The following ULK2 variants were observed in gnomAD, a reference collection of about 807,000 sequenced individuals.
ULK2 encodes serine/threonine-protein kinase ULK2.
Under a neutral mutation model 127.5 loss-of-function variants are expected in ULK2, and 76 were observed. The observed-to-expected ratio is 0.60, with a 90% confidence interval of 0.50 to 0.72. The LOEUF (loss-of-function observed/expected upper bound fraction) is 0.72, where lower values mean the gene tolerates loss of function less well. Ranked by LOEUF, ULK2 falls within the 30% of genes least tolerant of loss-of-function variation. The probability of loss-of-function intolerance (pLI) is 0.00; values close to 1 mark genes in which losing one functional copy is unlikely to be tolerated. For synonymous variants in ULK2, 452 were observed against 461.9 expected (o/e 0.98, Z 0.28); for missense variants, 1,144 against 1,295.9 (o/e 0.88, Z 1.80).
chr17:19,863,545 C>T (rs1301825322), intron 3 of ULK2, among the ~76,000 whole-genome samples: 2 of 148,784 alleles, frequency 1.3e-5, no homozygotes, highest in African/African-American at 5.0e-5. Context: ...GTTGTCCAGG[C>T]AGGACTTCAG....
chr17:19,802,823 TTGAA>T (rs1284264467), intron 15 of ULK2, among the ~76,000 whole-genome samples: 1 of 152,236 alleles, frequency 6.6e-6, no homozygotes, highest in African/African-American at 2.4e-5. Flanking sequence ...ATCTTGCACT[TTGAA>T]TGAAATTTTT....
chr17:19,848,845 C>G (rs2041954532), intron 5 of ULK2, among the ~76,000 whole-genome samples: 1 of 151,698 alleles, frequency 6.6e-6, no homozygotes, highest in Non-Finnish European at 1.5e-5. Context: ...TCATATCCTA[C>G]ATGTATGCAT....
rs554570686 is a variant in ULK2 at position 19,798,072 on chromosome 17, C to T, written c.1523-390G>A. On this transcript the variant is annotated intron_variant, in intron 17 of 26. Coordinates refer to ENST00000395544, the MANE Select transcript of ULK2 (RefSeq NM_014683.4). Reference sequence around the variant, plus strand: ...TATATGAATACATACCTGGATAAATCTATGTAATTATTCTCTTTTCTCACA... The same window carrying T: ...TATATGAATACATACCTGGATAAATTTATGTAATTATTCTCTTTTCTCACA... 2.6e-5 allele frequency among the ~76,000 whole-genome samples: 4 copies of T among 152,274 alleles called. No homozygotes were observed. The South Asian group carries it at 6.2e-4, about 24-fold the overall frequency.
At position 19,801,868 on chromosome 17, in the gene ULK2, T is replaced by A; in HGVS notation, c.1350A>T (p.Gly450=). Residue 450 remains glycine (G), a synonymous_variant, in exon 16 of 27, where the codon GGA becomes GGT. Transcript: ENST00000395544. ...NTSPMGFLRP[G]SCSPVPADTA... is the part of the protein sequence containing the mutation. ...TGTCTGCTGGTACTGGGGAGCATGA[T>A]CCCGGCCGGAGGAAGCCCATGGGGC... The A allele has an allele frequency of 1.2e-6, 2 of 1,614,154 alleles. No individual in the cohort carries two copies. The highest frequency in any genetic ancestry group is 1.7e-5 in the Admixed American group (1 of 59,998).
intron 12 of ULK2, 49 bp downstream of exon 12, chr17:19,825,045 G>C (rs2041252794): frequency 6.6e-7 from 1 of 1,513,252 alleles, no homozygotes; most frequent in Non-Finnish European, 9.1e-7. Flanking sequence ...TTTGAGAAAA[G>C]ATGTAATAGC....
At chr17:19,794,939 C>A (rs113582065) in intron 20 of ULK2, among the ~76,000 whole-genome samples, 3 of 151,926 alleles carry the variant, frequency 2.0e-5, no homozygotes, top group African/African-American at 7.3e-5. Flanking sequence ...ATTAGCCAGG[C>A]GTAGTGGCGG....
Position 19,785,967 on chromosome 17 carries a change from G to T in ULK2, c.2221C>A (p.His741Asn). 1 of 1,593,734 alleles carries T rather than the reference G, an allele frequency of 6.3e-7. No homozygotes were observed. Among genetic ancestry groups the T allele is most frequent in the Non-Finnish European group, 8.5e-7 (1 of 1,171,944 alleles). The change falls in exon 21 of 27, where the codon CAC (histidine) becomes AAC (asparagine). Residue 741 changes from histidine (H) to asparagine (N), a missense_variant. By Grantham distance (68) the His-to-Asn change is moderately conservative (BLOSUM62 1). This residue lies in a region of ULK2 where 913 missense variants were observed against 970.5 expected (regional missense o/e 0.94). Coordinates refer to ENST00000395544, the MANE Select transcript of ULK2 (RefSeq NM_014683.4). ...GTTGTTCTTGTTCGAAGGAACATGT[G>T]GGTACAAGTGGGGGCTGCCGCACTG... ...PHSAAAPTCT[H>N]MFLRTRTTSV...
intron 20 of ULK2, among the ~76,000 whole-genome samples, chr17:19,794,794 G>T (rs979320947): frequency 3.3e-5 from 5 of 151,836 alleles, no homozygotes; most frequent in African/African-American, 9.7e-5. Context: ...TCACCTGGGA[G>T]TGTATTACAC....
intron 12 of ULK2, among the ~76,000 whole-genome samples, chr17:19,818,233 G>A (rs1465687014): frequency 6.6e-6 from 1 of 151,136 alleles, no homozygotes; most frequent in Non-Finnish European, 1.5e-5. Flanking sequence ...TGAGGCAGGA[G>A]AATGGTGTAA....
chr17:19,808,278 T>C (rs1344876291), intron 14 of ULK2, among the ~76,000 whole-genome samples: 1 of 151,764 alleles, frequency 6.6e-6, no homozygotes, highest in African/African-American at 2.4e-5. Flanking sequence ...AAAAATTAAC[T>C]CAAAGGGGAT....
intron 3 of ULK2, chr17:19,861,150 C>G (rs2042234416): frequency 6.6e-6 from 1 of 152,124 alleles, no homozygotes; most frequent in African/African-American, 2.4e-5. Context: ...CCTGAAATTC[C>G]TGATTGATTA....
intron 14 of ULK2, among the ~76,000 whole-genome samples, chr17:19,806,688 C>T (rs1425850902): frequency 1.3e-5 from 2 of 152,154 alleles, no homozygotes; most frequent in Non-Finnish European, 2.9e-5. Flanking sequence ...AATATTTAAC[C>T]ATCTTCAACT....
chr17:19,811,255 T>TA (rs1438562135), intron 13 of ULK2: 1 of 152,160 alleles, frequency 6.6e-6, no homozygotes, highest in Non-Finnish European at 1.5e-5. Context: ...GAGGCAGGGA[T>TA]AAAATCTAGA....
intron 13 of ULK2, among the ~76,000 whole-genome samples, chr17:19,815,021 C>T (rs1015681130): frequency 6.6e-6 from 1 of 152,108 alleles, no homozygotes. Flanking sequence ...ATCTGAAATG[C>T]TTCAGTGAGC....
At chr17:19,815,983 C>T (rs2040979874) in intron 13 of ULK2, among the ~76,000 whole-genome samples, 1 of 152,190 alleles carries the variant, frequency 6.6e-6, no homozygotes, top group Non-Finnish European at 1.5e-5. Flanking sequence ...TCCATGTTTT[C>T]CCTTCCACAC....
Position 19,793,482 on chromosome 17 carries a change from T to A in ULK2, c.2101+2140A>T, listed in dbSNP as rs539005125. ...AATAAAGCTGGATCCCTTCACCACA[T>A]CATCCATATGAATTAAGTCAAACTG... is the stretch of plus-strand genomic sequence containing the variant. On this transcript the variant is annotated intron_variant, in intron 20 of 26. Transcript: ENST00000395544. 6.6e-5 allele frequency among the ~76,000 whole-genome samples: 10 copies of A among 152,280 alleles called. No individual in the cohort carries two copies. In the East Asian group the frequency reaches 1.9e-3, roughly 29 times the overall value.
At chr17:19,847,613 A>C (rs2041914640) in intron 5 of ULK2, among the ~76,000 whole-genome samples, 1 of 152,162 alleles carries the variant, frequency 6.6e-6, no homozygotes, top group African/African-American at 2.4e-5. Context: ...GCAGTGGCAC[A>C]ATCTCAGCTC....
intron 3 of ULK2, 148 bp from the exon 4 acceptor site, chr17:19,849,922 C>A: frequency 1.8e-6 from 1 of 547,798 alleles, no homozygotes; most frequent in Non-Finnish European, 3.1e-6. Context: ...TTAAAATTCC[C>A]AACACAATGA....
At chr17:19,801,142 A>AT (rs2087388540) in intron 16 of ULK2, among the ~76,000 whole-genome samples, 1 of 152,194 alleles carries the variant, frequency 6.6e-6, no homozygotes, top group Non-Finnish European at 1.5e-5. Flanking sequence ...TAGAAAAGGC[A>AT]TTTTATGCAC....
Sources: gnomAD v4.1 joint callset for allele counts (sites outside exome capture counted in the v4.1 genomes callset) on GRCh38, gnomAD v4.1.1 for gene constraint, gnomAD v4.1.1 regional missense constraint, MANE v1.5 for transcripts, NCBI Gene and HGNC (gene_info 2026-07-23, HGNC 2026-07-21) for gene names.